Variants in CTNNA2 observed in about 807,000 individuals in gnomAD.
CTNNA2 encodes catenin alpha 2.
A neutral mutation model predicts 101.0 loss-of-function variants in CTNNA2; 42 were observed. The observed-to-expected ratio is 0.42, with a 90% confidence interval of 0.32 to 0.54. The LOEUF is 0.54. CTNNA2 is among the 20% of genes least tolerant of loss of function. The pLI is 0.14. For missense variants in CTNNA2, 871 were observed against 1,223.1 expected (o/e 0.71, Z 4.29); for synonymous variants, 450 against 456.4 (o/e 0.99, Z 0.18).
At chr2:79,401,331 A>G (rs1678287936) in intron 4 of CTNNA2, among the ~76,000 whole-genome samples, 1 of 151,390 alleles carries the variant, frequency 6.6e-6, no homozygotes, top group African/African-American at 2.4e-5. Context: ...TAAAAATAAT[A>G]TAAATATATA....
intron 1 of CTNNA2, among the ~76,000 whole-genome samples, chr2:79,515,613 G>A (rs996203129): frequency 3.3e-5 from 5 of 152,154 alleles, no homozygotes; most frequent in Non-Finnish European, 1.5e-5. Flanking sequence ...AGTTATTAAA[G>A]AACTAGCAAA....
intron 7 of CTNNA2, among the ~76,000 whole-genome samples, chr2:80,279,086 G>A (rs1339014968): frequency 6.8e-6 from 1 of 147,420 alleles, no homozygotes; most frequent in Non-Finnish European, 1.5e-5. Context: ...GTGTGTGTGT[G>A]AAACAGAGAG....
At chr2:79,444,905 C>T (rs1432599325) in intron 4 of CTNNA2, among the ~76,000 whole-genome samples, 3 of 152,004 alleles carry the variant, frequency 2.0e-5, no homozygotes, top group Non-Finnish European at 4.4e-5. Flanking sequence ...ACTCCTTCCT[C>T]AGAATGAATT....
intron 1 of CTNNA2, chr2:79,197,899 A>T (rs1252900480): frequency 6.6e-6 from 1 of 152,264 alleles, no homozygotes; most frequent in Non-Finnish European, 1.5e-5. Flanking sequence ...TCAGCCTCCA[A>T]AGTAGCTGAG....
intron 9 of CTNNA2, among the ~76,000 whole-genome samples, chr2:80,543,943 T>C (rs533121779): frequency 6.6e-6 from 1 of 152,256 alleles, no homozygotes; most frequent in South Asian, 2.1e-4. Flanking sequence ...TCTTTGACTT[T>C]TCATATCCCC....
At chr2:79,580,742 T>A (rs1573395782) in intron 1 of CTNNA2, among the ~76,000 whole-genome samples, 1 of 152,296 alleles carries the variant, frequency 6.6e-6, no homozygotes, top group Non-Finnish European at 1.5e-5. Context: ...AACTTTTTCT[T>A]ATGTGAAGAA....
chr2:79,652,209 T>C (rs1681306041), intron 2 of CTNNA2, among the ~76,000 whole-genome samples: 2 of 151,330 alleles, frequency 1.3e-5, no homozygotes, highest in African/African-American at 2.4e-5. Flanking sequence ...TGCTCTTTGC[T>C]ATTTTAACTC....
intron 4 of CTNNA2, among the ~76,000 whole-genome samples, chr2:79,415,571 C>T (rs776810066): frequency 1.3e-5 from 2 of 152,032 alleles, no homozygotes; most frequent in African/African-American, 2.4e-5. Flanking sequence ...CCTTATGTCA[C>T]ATAAACTTAT....
chr2:79,816,238 C>T (rs1677482596), intron 3 of CTNNA2, among the ~76,000 whole-genome samples: 1 of 152,034 alleles, frequency 6.6e-6, no homozygotes, highest in South Asian at 2.1e-4. Flanking sequence ...GATTTGGATG[C>T]TCTTTATTTC....
chr2:80,524,562 C>G (rs1689859297), intron 9 of CTNNA2, among the ~76,000 whole-genome samples: 1 of 152,176 alleles, frequency 6.6e-6, no homozygotes, highest in Non-Finnish European at 1.5e-5. Context: ...TCCCCTCTTG[C>G]AGACTAGTCA....
At chr2:80,584,073 G>A (rs972103609) in intron 14 of CTNNA2, among the ~76,000 whole-genome samples, 4 of 152,044 alleles carry the variant, frequency 2.6e-5, no homozygotes, top group Admixed American at 6.6e-5. Flanking sequence ...CTGTTAAGTT[G>A]GAAATAAGAG....
At chr2:79,432,603 G>A (rs1283273813) in intron 4 of CTNNA2, among the ~76,000 whole-genome samples, 1 of 152,170 alleles carries the variant, frequency 6.6e-6, no homozygotes, top group African/African-American at 2.4e-5. Flanking sequence ...TGGAAGTGCT[G>A]ATCAGTGAGA....
intron 1 of CTNNA2, among the ~76,000 whole-genome samples, chr2:79,516,268 A>C (rs1261107540): frequency 1.3e-5 from 2 of 152,346 alleles, no homozygotes; most frequent in East Asian, 3.9e-4. Context: ...CATTATTATA[A>C]TTAGGAGAAA....
At chr2:80,016,581 C>T (rs1694167667) in intron 7 of CTNNA2, among the ~76,000 whole-genome samples, 1 of 152,190 alleles carries the variant, frequency 6.6e-6, no homozygotes, top group Admixed American at 6.6e-5. Context: ...GGAATAAATA[C>T]AGATTTATTA....
intron 7 of CTNNA2, among the ~76,000 whole-genome samples, chr2:80,108,191 G>C (rs949271188): frequency 6.6e-6 from 1 of 152,188 alleles, no homozygotes; most frequent in Non-Finnish European, 1.5e-5. Flanking sequence ...AATAAGAGGA[G>C]CCCAGAGGGG....
chr2:80,334,825 C>T (rs189345506), intron 7 of CTNNA2, among the ~76,000 whole-genome samples: 118 of 152,216 alleles, frequency 7.8e-4, no homozygotes, highest in Admixed American at 1.6e-3. Context: ...TGCCCAGGAC[C>T]GAGGGAGTTG....
intron 7 of CTNNA2, among the ~76,000 whole-genome samples, chr2:80,324,611 T>G (rs1212404350): frequency 6.6e-6 from 1 of 152,186 alleles, no homozygotes; most frequent in Non-Finnish European, 1.5e-5. Context: ...GGAGACTGAT[T>G]TACATGAAAA....
chr2:80,049,985 A>AG (rs1696770002), intron 7 of CTNNA2, among the ~76,000 whole-genome samples: 2 of 152,062 alleles, frequency 1.3e-5, no homozygotes, highest in Non-Finnish European at 2.9e-5. Context: ...GTCACCTGCT[A>AG]CCAGGAGCGA....
chr2:79,245,676 T>C (rs1674690721), intron 2 of CTNNA2, among the ~76,000 whole-genome samples: 1 of 152,192 alleles, frequency 6.6e-6, no homozygotes. Flanking sequence ...ATCCTTTCAG[T>C]CCCACTGATT....
Sources: allele counts gnomAD v4.1 joint callset (sites outside exome capture counted in the v4.1 genomes callset), GRCh38; gene constraint gnomAD v4.1.1; transcripts MANE v1.5; gene names NCBI Gene and HGNC (gene_info 2026-07-23, HGNC 2026-07-21).